TBC1D5: variants seen among roughly 807,000 people sequenced by gnomAD.
TBC1D5 encodes the protein TBC1 domain family, member 5.
Under a neutral mutation model 100.3 loss-of-function variants are expected in TBC1D5, and 75 were observed. The observed-to-expected ratio is 0.75, with a 90% CI of 0.62 to 0.91. The LOEUF is 0.91. Among genes scored for constraint, TBC1D5 ranks in the 40% least tolerant of loss-of-function variants. TBC1D5 has a pLI of 0.00. For synonymous variants in TBC1D5, 323 were observed against 325.6 expected, an observed-to-expected ratio of 0.99 and a Z score of 0.09; for missense variants, 910 against 942.4, an observed-to-expected ratio of 0.97 and a Z score of 0.45.
intron 16 of TBC1D5, among the ~76,000 whole-genome samples, chr3:17,246,153 C>G (rs1406831515): frequency 6.6e-6 from 1 of 152,024 alleles, no homozygotes; most frequent in Non-Finnish European, 1.5e-5. Flanking sequence ...ATATTTGAGT[C>G]TGCAAAATGA....
chr3:17,558,775 C>A (rs1172442682), intron 2 of TBC1D5, among the ~76,000 whole-genome samples: 1 of 152,192 alleles, frequency 6.6e-6, no homozygotes, highest in African/African-American at 2.4e-5. Context: ...CGCTGTGTTA[C>A]AATAAAACTT....
chr3:17,511,682 G>T (rs912067327), intron 2 of TBC1D5, among the ~76,000 whole-genome samples: 2 of 151,876 alleles, frequency 1.3e-5, no homozygotes, highest in Non-Finnish European at 1.5e-5. Flanking sequence ...AGTTAATTTA[G>T]CTTAAATTAT....
intron 2 of TBC1D5, among the ~76,000 whole-genome samples, chr3:17,514,546 A>G (rs2095957807): frequency 6.6e-6 from 1 of 152,232 alleles, no homozygotes; most frequent in Non-Finnish European, 1.5e-5. Flanking sequence ...TAAGCTGTTT[A>G]GGGCAAACAA....
chr3:17,486,532 G>C (rs904455410), intron 3 of TBC1D5, among the ~76,000 whole-genome samples: 2 of 152,132 alleles, frequency 1.3e-5, no homozygotes, highest in Admixed American at 1.3e-4. Flanking sequence ...ATGAGTAGTA[G>C]TGACACCAAT....
At chr3:17,351,938 TC>T (rs1003312876) in intron 13 of TBC1D5, among the ~76,000 whole-genome samples, 8 of 148,768 alleles carry the variant, frequency 5.4e-5, no homozygotes, top group Non-Finnish European at 1.0e-4. Flanking sequence ...CGTTTTTTTT[TC>T]CCCCCAAAAA....
intron 2 of TBC1D5, among the ~76,000 whole-genome samples, chr3:17,575,786 T>C (rs998202440): frequency 1.3e-5 from 2 of 152,108 alleles, no homozygotes; most frequent in African/African-American, 4.8e-5. Context: ...AGACAGAGAA[T>C]GAACTAAAAG....
chr3:17,634,369 A>G (rs537911903), intron 1 of TBC1D5, among the ~76,000 whole-genome samples: 2 of 152,190 alleles, frequency 1.3e-5, no homozygotes, highest in African/African-American at 2.4e-5. Context: ...TGCTACATAT[A>G]AACAATGGAG....
At chr3:17,608,292 C>T (rs532686034) in intron 2 of TBC1D5, among the ~76,000 whole-genome samples, 89 of 152,050 alleles carry the variant, frequency 5.9e-4, no homozygotes, top group African/African-American at 2.0e-3. Flanking sequence ...ACACAGATGC[C>T]CATTATCATC....
At chr3:17,293,726 A>C (rs2081981180) in intron 14 of TBC1D5, among the ~76,000 whole-genome samples, 1 of 152,232 alleles carries the variant, frequency 6.6e-6, no homozygotes, top group Non-Finnish European at 1.5e-5. Flanking sequence ...AACAAAACTG[A>C]GTCCTTACTC....
intron 17 of TBC1D5, among the ~76,000 whole-genome samples, chr3:17,226,310 CTTT>C (rs11311989): frequency 1.8e-4 from 25 of 137,766 alleles, no homozygotes; most frequent in African/African-American, 1.3e-4. Flanking sequence ...CTCTACATAC[CTTT>C]TTTTTTTTTT....
chr3:17,626,084 C>G (rs942527048), intron 1 of TBC1D5, among the ~76,000 whole-genome samples: 1 of 151,720 alleles, frequency 6.6e-6, no homozygotes, highest in Admixed American at 6.6e-5. Flanking sequence ...TAAGTTGGAC[C>G]ATTTGAAGAC....
At chr3:17,360,625 A>G (rs1359744115) in intron 13 of TBC1D5, among the ~76,000 whole-genome samples, 4 of 151,992 alleles carry the variant, frequency 2.6e-5, no homozygotes, top group Admixed American at 2.6e-4. Context: ...CATTTTTAAA[A>G]CTATGAATTT....
At chr3:17,531,955 C>T (rs920711756) in intron 2 of TBC1D5, among the ~76,000 whole-genome samples, 75 of 152,250 alleles carry the variant, frequency 4.9e-4, no homozygotes, top group African/African-American at 1.7e-3. Context: ...ACACCAAAAG[C>T]AATGGCAACA....
chr3:17,233,743 T>G (rs1381330166), intron 17 of TBC1D5: 3 of 1,541,582 alleles, frequency 1.9e-6, no homozygotes, highest in Non-Finnish European at 2.6e-6. Flanking sequence ...TTCCTGTAAC[T>G]ACATCGCCTG....
chr3:17,603,851 G>T (rs1222969916), intron 2 of TBC1D5, among the ~76,000 whole-genome samples: 1 of 152,022 alleles, frequency 6.6e-6, no homozygotes, highest in Non-Finnish European at 1.5e-5. Context: ...TACCATGTTG[G>T]CCAGGCTGGT....
intron 13 of TBC1D5, among the ~76,000 whole-genome samples, chr3:17,331,400 C>T (rs2151161665): frequency 6.6e-6 from 1 of 152,314 alleles, no homozygotes; most frequent in Middle Eastern, 3.4e-3. Flanking sequence ...CTCTCTTCTT[C>T]CCTGGTCCCT....
At chr3:17,212,248 A>C (rs1309242847) in intron 18 of TBC1D5, among the ~76,000 whole-genome samples, 1 of 152,168 alleles carries the variant, frequency 6.6e-6, no homozygotes, top group African/African-American at 2.4e-5. Flanking sequence ...GACCACATAC[A>C]TGATGGTGGT....
At chr3:17,622,657 T>G (rs2062763571) in intron 2 of TBC1D5, 1 of 152,068 alleles carries the variant, frequency 6.6e-6, no homozygotes, top group Admixed American at 6.5e-5. Context: ...CACCAGGTTC[T>G]CAGGTCTTTT....
chr3:17,548,568 C>A (rs968384507), intron 2 of TBC1D5, among the ~76,000 whole-genome samples: 3 of 152,130 alleles, frequency 2.0e-5, no homozygotes, highest in African/African-American at 7.2e-5. Context: ...CCAATCAACA[C>A]TTGTCTTCAA....
Sources: allele counts gnomAD v4.1 joint callset (sites outside exome capture counted in the v4.1 genomes callset), GRCh38; gene constraint gnomAD v4.1.1; transcripts MANE v1.5; gene names NCBI Gene and HGNC (gene_info 2026-07-23, HGNC 2026-07-21).